The following SUGCT variants were observed in gnomAD, a reference collection of about 807,000 sequenced individuals.
SUGCT encodes succinyl-CoA:glutarate CoA-transferase.
Under a neutral mutation model 55.0 loss-of-function variants are expected in SUGCT, and 41 were observed. The observed-to-expected ratio is 0.74, with a 90% CI of 0.58 to 0.97. The LOEUF (loss-of-function observed/expected upper bound fraction) is 0.97, where lower values mean the gene tolerates loss of function less well. Among genes scored for constraint, SUGCT ranks in the 50% least tolerant of loss-of-function variants. The pLI is 0.00. For synonymous variants in SUGCT, 187 were observed against 200.4 expected, an observed-to-expected ratio of 0.93 and a Z score of 0.56; for missense variants, 568 against 547.8, an observed-to-expected ratio of 1.04 and a Z score of -0.37.
chr7:40,271,146 G>A (rs1791979493), intron 7 of SUGCT, among the ~76,000 whole-genome samples: 2 of 152,108 alleles, frequency 1.3e-5, no homozygotes, highest in African/African-American at 4.8e-5. Context: ...AATTGAGATA[G>A]TTTTACTTCT....
chr7:40,664,510 A>G (rs1801503326), intron 12 of SUGCT, among the ~76,000 whole-genome samples: 1 of 152,210 alleles, frequency 6.6e-6, no homozygotes, highest in Non-Finnish European at 1.5e-5. Context: ...CCTAGGTATC[A>G]GTAAGCTTCC....
intron 10 of SUGCT, among the ~76,000 whole-genome samples, chr7:40,456,916 A>G (rs982756340): frequency 3.3e-5 from 5 of 152,146 alleles, no homozygotes; most frequent in Admixed American, 1.3e-4. Flanking sequence ...AACCTTCCAG[A>G]CTATCTTAAG....
chr7:40,896,321 T>C, the SUGCT span, among the ~76,000 whole-genome samples: 2 of 152,072 alleles, frequency 1.3e-5, no homozygotes, highest in Non-Finnish European at 2.9e-5. Context: ...GTACAAAACA[T>C]TGATGAAAGA....
At chr7:40,659,093 G>A (rs1472152072) in intron 12 of SUGCT, among the ~76,000 whole-genome samples, 1 of 152,158 alleles carries the variant, frequency 6.6e-6, no homozygotes, top group African/African-American at 2.4e-5. Context: ...ACACTTCTGG[G>A]AATGGATTAG....
At chr7:40,431,793 A>T (rs1787908781) in intron 9 of SUGCT, among the ~76,000 whole-genome samples, 1 of 152,084 alleles carries the variant, frequency 6.6e-6, no homozygotes, top group Non-Finnish European at 1.5e-5. Context: ...TGCCGTCATA[A>T]ATGGGATTTT....
chr7:40,491,098 T>G (rs922197031), intron 11 of SUGCT, among the ~76,000 whole-genome samples: 1 of 152,226 alleles, frequency 6.6e-6, no homozygotes, highest in South Asian at 2.1e-4. Context: ...CAGCAAATAC[T>G]GAGTGCCAGT....
chr7:40,333,691 ATATATATATAT>A (rs1562689430), intron 9 of SUGCT, among the ~76,000 whole-genome samples: 1 of 131,116 alleles, frequency 7.6e-6, no homozygotes, highest in African/African-American at 2.8e-5. Context: ...ATATATATAT[ATATATATATAT>A]AAATATTTAT....
chr7:40,944,666 T>C, the SUGCT span, among the ~76,000 whole-genome samples: 1 of 152,258 alleles, frequency 6.6e-6, no homozygotes, highest in Non-Finnish European at 1.5e-5. Context: ...TTTTGGTTAC[T>C]GTAGCCTTTT....
intron 11 of SUGCT, among the ~76,000 whole-genome samples, chr7:40,487,654 G>T (rs2151501040): frequency 6.6e-6 from 1 of 151,952 alleles, no homozygotes; most frequent in South Asian, 2.1e-4. Flanking sequence ...TCTCCTTTTA[G>T]AACTATTCAT....
At chr7:40,930,009 G>A in the SUGCT span, among the ~76,000 whole-genome samples, 4 of 152,112 alleles carry the variant, frequency 2.6e-5, no homozygotes, top group African/African-American at 9.7e-5. Flanking sequence ...CCTATGTCCT[G>A]AATGGTATTG....
At chr7:40,895,443 C>T in the SUGCT span, among the ~76,000 whole-genome samples, 4 of 152,174 alleles carry the variant, frequency 2.6e-5, no homozygotes, top group South Asian at 8.3e-4. Flanking sequence ...TAATAACAAA[C>T]CTGCACATGT....
chr7:40,337,467 T>C (rs1796779712), intron 9 of SUGCT, among the ~76,000 whole-genome samples: 1 of 152,244 alleles, frequency 6.6e-6, no homozygotes, highest in African/African-American at 2.4e-5. Flanking sequence ...GATAGTTAGC[T>C]CTTCTTGTTG....
At chr7:40,608,460 A>T (rs1798622411) in intron 12 of SUGCT, among the ~76,000 whole-genome samples, 1 of 152,220 alleles carries the variant, frequency 6.6e-6, no homozygotes, top group Non-Finnish European at 1.5e-5. Context: ...AGGCCAAAGT[A>T]TGAGTAACAC....
chr7:40,204,989 C>T (rs899702877), intron 6 of SUGCT, among the ~76,000 whole-genome samples: 2 of 151,796 alleles, frequency 1.3e-5, no homozygotes, highest in Non-Finnish European at 2.9e-5. Flanking sequence ...TGCAATGGCT[C>T]ATGCCTGTAA....
chr7:40,162,048 C>T (rs1197275495), intron 1 of SUGCT, among the ~76,000 whole-genome samples: 1 of 151,988 alleles, frequency 6.6e-6, no homozygotes, highest in Admixed American at 6.6e-5. Flanking sequence ...AGGCGCCCAC[C>T]ACTATGCCCA....
chr7:40,223,033 C>T (rs909314411), intron 6 of SUGCT, among the ~76,000 whole-genome samples: 1 of 151,262 alleles, frequency 6.6e-6, no homozygotes, highest in African/African-American at 2.4e-5. Flanking sequence ...TTCCTTCCTT[C>T]CTTCCTTCCA....
intron 11 of SUGCT, among the ~76,000 whole-genome samples, chr7:40,467,975 T>C (rs995230919): frequency 2.6e-5 from 4 of 151,862 alleles, no homozygotes; most frequent in Non-Finnish European, 4.4e-5. Context: ...TCTTTTTTTT[T>C]TTTTTTTTAA....
chr7:40,733,694 CCT>C (rs1787015405), intron 12 of SUGCT, among the ~76,000 whole-genome samples: 1 of 152,118 alleles, frequency 6.6e-6, no homozygotes, highest in Non-Finnish European at 1.5e-5. Flanking sequence ...TTGATTGTTC[CCT>C]GTGTGGTTAT....
intron 9 of SUGCT, among the ~76,000 whole-genome samples, chr7:40,350,966 C>T (rs1005768590): frequency 1.3e-5 from 2 of 152,022 alleles, no homozygotes; most frequent in East Asian, 3.9e-4. Flanking sequence ...AGGACATGAA[C>T]CCATCCTTTT....
Sources: gnomAD v4.1 joint callset for allele counts (sites outside exome capture counted in the v4.1 genomes callset) on GRCh38, gnomAD v4.1.1 for gene constraint, MANE v1.5 for transcripts, NCBI Gene and HGNC (gene_info 2026-07-23, HGNC 2026-07-21) for gene names.